CRISP3: variants seen among roughly 807,000 people sequenced by gnomAD.
CRISP3 encodes the protein cysteine rich secretory protein 3, also known as cysteine-rich secretory protein 3.
A neutral mutation model predicts 36.1 loss-of-function variants in CRISP3; 33 were observed. The observed-to-expected ratio is 0.91, with a 90% confidence interval of 0.69 to 1.22. The LOEUF (loss-of-function observed/expected upper bound fraction) is 1.22, where lower values mean the gene tolerates loss of function less well. CRISP3 is among the 50% of genes most tolerant of loss of function. CRISP3 has a pLI of 0.00. For synonymous variants in CRISP3, 117 were observed against 104.6 expected, an observed-to-expected ratio of 1.12 and a Z score of -0.72; for missense variants, 330 against 301.2, an observed-to-expected ratio of 1.10 and a Z score of -0.71.
chr6:49,733,301 CA>C lies in CRISP3; in HGVS notation c.463-10del, dbSNP rs1391097889. 6.4e-7 allele frequency: 1 copy of C among 1,560,250 alleles called. No homozygotes were observed. ...GAAGAGTACCAAACAACCTATAAACCAATAAGTGAAGATATGAGAGCACATT... is the reference window on the plus strand; with the variant it reads ...GAAGAGTACCAAACAACCTATAAACCATAAGTGAAGATATGAGAGCACATT... On this transcript the variant is annotated splice_polypyrimidine_tract_variant and intron_variant, in intron 5 of 7. Transcript: ENST00000263045.
At chr6:49,731,724 T>C (rs941494237) in intron 6 of CRISP3, among the ~76,000 whole-genome samples, 1 of 152,076 alleles carries the variant, frequency 6.6e-6, no homozygotes, top group African/African-American at 2.4e-5. Context: ...ATTTCTACAA[T>C]ATGAGGTAGG....
intron 1 of CRISP3, among the ~76,000 whole-genome samples, chr6:49,740,646 G>A (rs1378633950): frequency 1.4e-5 from 2 of 144,036 alleles, no homozygotes; most frequent in Admixed American, 7.6e-5. Flanking sequence ...AGAGGGGAGT[G>A]CTGCATCCAA....
intron 2 of CRISP3, among the ~76,000 whole-genome samples, chr6:49,737,074 T>A (rs541618041): frequency 6.6e-6 from 1 of 152,190 alleles, no homozygotes; most frequent in Admixed American, 6.5e-5. Context: ...TTAAAAAAAA[T>A]CTCCAAGGCA....
In CRISP3 at chr6:49,727,853, C is replaced by G. The variant is rs1768804884; in HGVS notation, c.*877G>C. On this transcript the variant is annotated 3_prime_UTR_variant, in exon 8 of 8. Coordinates refer to ENST00000263045, the MANE Select transcript of CRISP3 (RefSeq NM_006061.4). The stretch of plus-strand genomic sequence containing the variant: ...GATTATCTAGAACAAATCTGAATGA[C>G]TTATCACTGGTGACGTTAATTTTGA... The G allele has an allele frequency of 6.6e-6, 1 of 152,252 alleles. No individual in the cohort carries two copies. Among genetic ancestry groups the G allele is most frequent in the African/African-American group, 2.4e-5 (1 of 41,574 alleles). The allele number at this position is 152,252 out of a possible 1,614,324, so 9.4% of individuals were successfully genotyped here. A position where few individuals can be genotyped will look rare whatever the true frequency, so the allele number is the denominator to read the frequency against.
At chr6:49,733,624 T>C in intron 5 of CRISP3, 79 bp downstream of exon 5, 1 of 1,435,520 alleles carries the variant, frequency 7.0e-7, no homozygotes, top group Non-Finnish European at 9.4e-7. Context: ...AAATTCAACT[T>C]GGAATCAGTC....
intron 1 of CRISP3, among the ~76,000 whole-genome samples, chr6:49,739,076 A>G (rs1326928996): frequency 3.3e-5 from 5 of 151,992 alleles, no homozygotes; most frequent in Admixed American, 3.3e-4. Flanking sequence ...TCAAACTACT[A>G]GTGTTATAGA....
intron 6 of CRISP3, among the ~76,000 whole-genome samples, chr6:49,732,648 C>G (rs1561907134): frequency 1.3e-5 from 2 of 152,010 alleles, no homozygotes; most frequent in Non-Finnish European, 2.9e-5. Flanking sequence ...AAGACATTAT[C>G]TTTTCTTGGC....
At chr6:49,731,051 T>C in intron 7 of CRISP3, 112 bp downstream of exon 7, 1 of 729,528 alleles carries the variant, frequency 1.4e-6, no homozygotes, top group East Asian at 2.9e-5. Flanking sequence ...TTTTTCCTTT[T>C]TGTCCTTTGC....
At chr6:49,739,208 G>A (rs1032315558) in intron 1 of CRISP3, among the ~76,000 whole-genome samples, 1 of 152,174 alleles carries the variant, frequency 6.6e-6, no homozygotes, top group African/African-American at 2.4e-5. Context: ...GTCTCCTGCA[G>A]AATTTGAGAG....
chr6:49,742,715 T>C (rs190684311), intron 1 of CRISP3, among the ~76,000 whole-genome samples: 6 of 151,832 alleles, frequency 4.0e-5, no homozygotes, highest in Non-Finnish European at 7.4e-5. Context: ...ATATTAGTTA[T>C]TAAGATAGAC....
intron 3 of CRISP3, among the ~76,000 whole-genome samples, chr6:49,735,976 T>A (rs941745971): frequency 6.6e-6 from 1 of 152,140 alleles, no homozygotes; most frequent in African/African-American, 2.4e-5. Flanking sequence ...TTTTTCTTTT[T>A]TTCCCCCTCA....
At chr6:49,738,139 T>C (rs1170609966) in intron 1 of CRISP3, among the ~76,000 whole-genome samples, 2 of 152,202 alleles carry the variant, frequency 1.3e-5, no homozygotes, top group Admixed American at 6.5e-5. Flanking sequence ...ACTCACCCTA[T>C]CTGTATTAAT....
At chr6:49,739,551 G>T (rs1393660673) in intron 1 of CRISP3, among the ~76,000 whole-genome samples, 1 of 152,142 alleles carries the variant, frequency 6.6e-6, no homozygotes, top group East Asian at 1.9e-4. Context: ...GCACAATTCA[G>T]GGCTCAGGGA....
intron 1 of CRISP3, among the ~76,000 whole-genome samples, chr6:49,740,360 A>T (rs758134337): frequency 1.2e-4 from 18 of 152,346 alleles, no homozygotes; most frequent in Non-Finnish European, 2.4e-4. Flanking sequence ...TGCTAAGAGA[A>T]GAATTAATCA....
chr6:49,743,935 A>G (rs1769269541), intron 1 of CRISP3, among the ~76,000 whole-genome samples: 1 of 152,156 alleles, frequency 6.6e-6, no homozygotes, highest in African/African-American at 2.4e-5. Context: ...ATATAGCTGT[A>G]TGTTTTAATA....
At chr6:49,733,038 C>T (rs181256272) in intron 6 of CRISP3, among the ~76,000 whole-genome samples, 157 bp downstream of exon 6, 2 of 152,150 alleles carry the variant, frequency 1.3e-5, no homozygotes, top group African/African-American at 4.8e-5. Context: ...AAAACTTTAT[C>T]TTTCTGAGAA....
chr6:49,733,738 T>A lies in CRISP3; in HGVS notation c.427A>T (p.Lys143Ter). 6.2e-7 allele frequency: 1 copy of A among 1,613,712 alleles called. No homozygotes were observed. The highest frequency in any genetic ancestry group is 8.5e-7 in the Non-Finnish European group (1 of 1,179,662). The change falls in exon 5 of 8, where the codon AAG (lysine) becomes TAG (stop). Residue 143 changes from lysine to a stop codon, truncating the protein, a stop_gained. Coordinates refer to ENST00000263045, the MANE Select transcript of CRISP3 (RefSeq NM_006061.4). LOFTEE classifies it high-confidence loss of function. ...TGTCCAACCACTGCGTTGGGAGTCT[T>A]TGGCCCTACACCAAAGTCAAAATCA... ...YNDFDFGVGP[K>*]TPNAVVGHYT...
chr6:49,737,577 G>C, intron 1 of CRISP3, 179 bp from the exon 2 acceptor site: 2 of 673,710 alleles, frequency 3.0e-6, no homozygotes, highest in South Asian at 3.8e-5. Flanking sequence ...AGCTTTCAAA[G>C]TATGCATTCA....
At chr6:49,729,156 C>G (rs1768852549) in intron 7 of CRISP3, among the ~76,000 whole-genome samples, 1 of 151,728 alleles carries the variant, frequency 6.6e-6, no homozygotes. Flanking sequence ...ACTGCAACAT[C>G]CAAAATGGTA....
Sources: gnomAD v4.1 joint callset for allele counts (sites outside exome capture counted in the v4.1 genomes callset) on GRCh38, gnomAD v4.1.1 for gene constraint, MANE v1.5 for transcripts, NCBI Gene and HGNC (gene_info 2026-07-23, HGNC 2026-07-21) for gene names.